SFMBT2: variants seen among roughly 807,000 people sequenced by gnomAD.
The protein encoded by SFMBT2 is Scm like with four mbt domains 2.
In SFMBT2, 38 loss-of-function variants were observed where a neutral mutation model predicts 110.1. That is an observed-to-expected ratio of 0.35 (90% CI 0.27 to 0.45). SFMBT2 has a LOEUF of 0.45. SFMBT2 is among the 20% of genes least tolerant of loss of function. The pLI, the probability that SFMBT2 is intolerant of heterozygous loss-of-function variation, is 1.00. For synonymous variants in SFMBT2, 425 were observed against 425.4 expected, an observed-to-expected ratio of 1.00 and a Z score of 0.01; for missense variants, 1,011 against 1,094.9, an observed-to-expected ratio of 0.92 and a Z score of 1.08.
At chr10:7,381,666 T>C in intron 2 of SFMBT2, 133 bp downstream of exon 2, 6 of 939,506 alleles carry the variant, frequency 6.4e-6, no homozygotes, top group Non-Finnish European at 3.1e-6. Flanking sequence ...TCCTTATAAA[T>C]AGGACTTCAA....
At chr10:7,248,811 T>C (rs1426008351) in intron 7 of SFMBT2, among the ~76,000 whole-genome samples, 162 bp from the exon 8 acceptor site, 1 of 152,194 alleles carries the variant, frequency 6.6e-6, no homozygotes, top group Non-Finnish European at 1.5e-5. Flanking sequence ...ATACCACGGA[T>C]TTAATTATTT....
At chr10:7,341,134 A>G (rs559767709) in intron 4 of SFMBT2, among the ~76,000 whole-genome samples, 2 of 152,348 alleles carry the variant, frequency 1.3e-5, no homozygotes, top group Middle Eastern at 6.8e-3. Context: ...CTCCAGTATT[A>G]GCATGGAATC....
chr10:7,345,776 TC>T (rs113362405), intron 4 of SFMBT2, among the ~76,000 whole-genome samples: 2,161 of 152,248 alleles, frequency 0.014, 53 homozygotes, highest in African/African-American at 0.05. Context: ...CCTTCCCTTC[TC>T]CCCAGACCCA....
chr10:7,190,155 G>A (rs1838549335), intron 15 of SFMBT2, among the ~76,000 whole-genome samples: 1 of 152,010 alleles, frequency 6.6e-6, no homozygotes, highest in African/African-American at 2.4e-5. Context: ...GCTTGCCAAG[G>A]TGCTAAAAAG....
At position 7,163,992 on chromosome 10, in the gene SFMBT2, G is replaced by C; in HGVS notation, c.2545-82C>G. ...TGCGTCACAGCAGGCTCCAGTCCGGGGCCAAACATGACAACAGGATGCTCT... is the reference window on the plus strand; with the variant it reads ...TGCGTCACAGCAGGCTCCAGTCCGGCGCCAAACATGACAACAGGATGCTCT... On this transcript the variant is annotated intron_variant, in intron 20 of 20. Coordinates refer to ENST00000397167, the MANE Select transcript of SFMBT2 (RefSeq NM_001387889.1). This position sits in a 1 kb window ranked among gnomAD's most constrained non-coding sequence, Gnocchi z 4.8. The C allele has an allele frequency of 6.7e-7, 1 of 1,494,814 alleles. No homozygotes were observed. Among genetic ancestry groups the C allele is most frequent in the Non-Finnish European group, 8.9e-7 (1 of 1,122,848 alleles). 92.6% of individuals were successfully genotyped at this position (1,494,814 alleles called of 1,614,324 possible).
intron 4 of SFMBT2, among the ~76,000 whole-genome samples, chr10:7,338,958 G>A (rs959644467): frequency 2.0e-4 from 31 of 152,076 alleles, no homozygotes; most frequent in Admixed American, 1.0e-3. Context: ...CTGAATTGGC[G>A]GCCAGGCACA....
At chr10:7,291,135 C>G (rs1054733082) in intron 4 of SFMBT2, among the ~76,000 whole-genome samples, 1 of 152,180 alleles carries the variant, frequency 6.6e-6, no homozygotes, top group African/African-American at 2.4e-5. Flanking sequence ...TCAATGCCTT[C>G]CCACATCACA....
At chr10:7,315,409 G>C (rs1263151565) in intron 4 of SFMBT2, among the ~76,000 whole-genome samples, 1 of 152,238 alleles carries the variant, frequency 6.6e-6, no homozygotes. Flanking sequence ...TTTGGGGGAT[G>C]ATGGCTTTTT....
chr10:7,339,243 GAATA>G (rs563345856), intron 4 of SFMBT2, among the ~76,000 whole-genome samples: 36 of 152,000 alleles, frequency 2.4e-4, no homozygotes, highest in African/African-American at 8.0e-4. Context: ...CCATCTCGAT[GAATA>G]AATAAATAAA....
At chr10:7,179,292 T>A (rs889697989) in intron 16 of SFMBT2, among the ~76,000 whole-genome samples, 1 of 149,314 alleles carries the variant, frequency 6.7e-6, no homozygotes, top group Non-Finnish European at 1.5e-5. Context: ...AGGCCCTCCA[T>A]TGACCCTATG....
At chr10:7,357,429 C>T (rs907694248) in intron 4 of SFMBT2, among the ~76,000 whole-genome samples, 4 of 152,126 alleles carry the variant, frequency 2.6e-5, no homozygotes, top group African/African-American at 9.7e-5. Context: ...AGGCTGACCT[C>T]CCCAAAGCCC....
At chr10:7,356,225 C>G (rs1429411382) in intron 4 of SFMBT2, among the ~76,000 whole-genome samples, 2 of 152,190 alleles carry the variant, frequency 1.3e-5, no homozygotes, top group African/African-American at 4.8e-5. Context: ...AAAAGGCACA[C>G]CCCAGGCTGG....
chr10:7,223,411 T>A (rs1204193551), intron 10 of SFMBT2, among the ~76,000 whole-genome samples: 3 of 152,188 alleles, frequency 2.0e-5, no homozygotes, highest in Non-Finnish European at 4.4e-5. Flanking sequence ...TTTTTTGTGA[T>A]CCATACATCT....
intron 1 of SFMBT2, among the ~76,000 whole-genome samples, chr10:7,383,241 C>T (rs1385126197): frequency 3.9e-5 from 6 of 152,170 alleles, no homozygotes; most frequent in Non-Finnish European, 7.4e-5. Context: ...AGCCTACCTG[C>T]ACCTGTCATC....
chr10:7,369,326 T>C (rs1245942782), intron 3 of SFMBT2, among the ~76,000 whole-genome samples: 2 of 152,204 alleles, frequency 1.3e-5, no homozygotes, highest in African/African-American at 4.8e-5. Context: ...CAGAGTTAAA[T>C]CTCCATTTCT....
intron 4 of SFMBT2, among the ~76,000 whole-genome samples, chr10:7,342,509 T>C (rs66727959): frequency 0.3 from 45,282 of 148,708 alleles, 7,510 homozygotes; most frequent in Non-Finnish European, 0.37. Context: ...CCCGGGTTCA[T>C]GCCATTCTCC....
At chr10:7,299,442 C>G (rs1388697793) in intron 4 of SFMBT2, among the ~76,000 whole-genome samples, 1 of 152,168 alleles carries the variant, frequency 6.6e-6, no homozygotes, top group Non-Finnish European at 1.5e-5. Context: ...AGACACTTCT[C>G]AAAAGCAGAC....
intron 9 of SFMBT2, among the ~76,000 whole-genome samples, chr10:7,232,540 A>C (rs1382389001): frequency 6.6e-6 from 1 of 152,220 alleles, no homozygotes; most frequent in Non-Finnish European, 1.5e-5. Context: ...AGTTTTAAAA[A>C]ATTCATAAAA....
chr10:7,361,640 A>G (rs1264390115), intron 4 of SFMBT2, among the ~76,000 whole-genome samples: 1 of 152,234 alleles, frequency 6.6e-6, no homozygotes, highest in Non-Finnish European at 1.5e-5. Flanking sequence ...TTTGAATGGT[A>G]AATTGAGTAA....
Sources: gnomAD v4.1 joint callset for allele counts (sites outside exome capture counted in the v4.1 genomes callset) on GRCh38, gnomAD v4.1.1 for gene constraint, Gnocchi (gnomAD v3.1) non-coding constraint, MANE v1.5 for transcripts, NCBI Gene and HGNC (gene_info 2026-07-23, HGNC 2026-07-21) for gene names.